The following JAK2 variants were observed in gnomAD, a reference collection of about 807,000 sequenced individuals.
JAK2 encodes the protein tyrosine-protein kinase JAK2.
JAK2 carries 86 observed loss-of-function variants against 139.3 expected under a neutral mutation model. The observed-to-expected ratio is 0.62, with a 90% confidence interval of 0.52 to 0.74. JAK2 has a LOEUF of 0.74. JAK2 is among the 30% of genes least tolerant of loss of function. The probability of loss-of-function intolerance (pLI) is 0.00; values close to 1 mark genes in which losing one functional copy is unlikely to be tolerated. For missense variants in JAK2, 1,421 were observed against 1,360.3 expected (o/e 1.04, Z -0.70); for synonymous variants, 490 against 437.7 (o/e 1.12, Z -1.49).
At chr9:5,099,155 GC>G (rs1308139023) in intron 22 of JAK2, 3 of 152,022 alleles carry the variant, frequency 2.0e-5, no homozygotes, top group African/African-American at 7.2e-5. Context: ...CCCTTATTAG[GC>G]CTCAAAACAG....
chr9:5,100,167 C>T (rs1261748898), intron 22 of JAK2: 2 of 152,146 alleles, frequency 1.3e-5, no homozygotes, highest in African/African-American at 2.4e-5. Context: ...TTCTCAAATT[C>T]GCCATAGACC....
At chr9:5,043,833 AAG>A (rs1207721566) in intron 4 of JAK2, among the ~76,000 whole-genome samples, 1 of 152,242 alleles carries the variant, frequency 6.6e-6, no homozygotes, top group Admixed American at 6.5e-5. Context: ...TGCTGAGTGA[AAG>A]AAGGCAGACA....
At chr9:5,056,814 C>T (rs990564644) in intron 8 of JAK2, among the ~76,000 whole-genome samples, 2 of 152,120 alleles carry the variant, frequency 1.3e-5, no homozygotes, top group Non-Finnish European at 2.9e-5. Context: ...AAGAACTTCT[C>T]CATGGGACTG....
At chr9:5,005,290 C>G (rs1027040650) in intron 2 of JAK2, among the ~76,000 whole-genome samples, 1 of 151,300 alleles carries the variant, frequency 6.6e-6, no homozygotes, top group Non-Finnish European at 1.5e-5. Context: ...GTCCTTTGCC[C>G]ATTTTTAAAT....
chr9:5,072,564 C>A lies in JAK2; in HGVS notation c.1714C>A (p.Gln572Lys), dbSNP rs1457790403. The change falls in exon 13 of 25, where the codon CAA becomes AAA. Residue 572 changes from glutamine (Q) to lysine (K), a missense_variant. Coordinates refer to ENST00000381652, the MANE Select transcript of JAK2 (RefSeq NM_004972.4). ...ACGAAGAGAAGTAGGAGACTACGGT[C>A]AACTGCATGAAACAGAAGTTCTTTT... ...GVRREVGDYG[Q>K]LHETEVLLKV... 4.3e-6 allele frequency: 7 copies of A among 1,610,866 alleles called. No homozygotes were observed. The East Asian group carries it at 1.1e-4, about 26-fold the overall frequency.
intron 22 of JAK2, among the ~76,000 whole-genome samples, chr9:5,102,348 G>C (rs1170602847): frequency 6.6e-6 from 1 of 152,122 alleles, no homozygotes; most frequent in Non-Finnish European, 1.5e-5. Flanking sequence ...AGAAAAAAGA[G>C]TAAAAAGCAA....
chr9:4,995,488 T>G (rs1000043085), intron 2 of JAK2, among the ~76,000 whole-genome samples: 5 of 152,238 alleles, frequency 3.3e-5, no homozygotes, highest in African/African-American at 1.2e-4. Flanking sequence ...GGTTGTCCAG[T>G]TTCAATACTA....
At position 5,066,543 on chromosome 9, in the gene JAK2, T is replaced by C. The variant is rs191876267; in HGVS notation, c.1215-135T>C. ...TACTTTGATTTTTTCCTTTGAAAGA[T>C]TATTGCTAAACATATAAAGTAGAGG... On this transcript the variant is annotated intron_variant, in intron 9 of 24. Transcript: ENST00000381652. The C allele has an allele frequency of 5.5e-4, 311 of 561,158 alleles. 1 individual carries two copies. Among genetic ancestry groups the C allele is most frequent in the Middle Eastern group, 5.5e-3 (12 of 2,190 alleles). 34.8% of individuals were successfully genotyped at this position (561,158 alleles called of 1,614,324 possible). A position where few individuals can be genotyped will look rare whatever the true frequency, so the allele number is the denominator to read the frequency against.
chr9:5,100,596 C>G (rs967447889), intron 22 of JAK2: 19 of 152,250 alleles, frequency 1.2e-4, no homozygotes, highest in African/African-American at 3.4e-4. Flanking sequence ...CCCCAACAGG[C>G]ATTTTTCCCC....
At chr9:5,113,983 G>T in intron 22 of JAK2, 1 of 269,020 alleles carries the variant, frequency 3.7e-6, no homozygotes, top group Admixed American at 4.5e-5. Flanking sequence ...AGCATCACCT[G>T]GCTGGAGGAT....
intron 4 of JAK2, chr9:5,041,003 G>A: frequency 4.6e-6 from 3 of 649,310 alleles, no homozygotes; most frequent in Admixed American, 2.1e-5. Context: ...ATCAAGTTCC[G>A]GACCCCGCAG....
chr9:5,068,559 C>G (rs566471732), intron 10 of JAK2, among the ~76,000 whole-genome samples: 14 of 152,168 alleles, frequency 9.2e-5, no homozygotes, highest in African/African-American at 3.4e-4. Context: ...AGAAAGATAG[C>G]ATGAAGAATT....
At chr9:5,058,692 C>G (rs143701884) in intron 8 of JAK2, among the ~76,000 whole-genome samples, 1 of 152,324 alleles carries the variant, frequency 6.6e-6, no homozygotes, top group East Asian at 1.9e-4. Flanking sequence ...TCCACATGCT[C>G]ATCAAAACTT....
chr9:5,036,697 A>G (rs1209117993), intron 4 of JAK2, among the ~76,000 whole-genome samples: 1 of 152,216 alleles, frequency 6.6e-6, no homozygotes, highest in Non-Finnish European at 1.5e-5. Context: ...CTTACACCTT[A>G]TACAAAAATT....
rs1468416683 is a variant in JAK2, at chr9:5,091,090, A to G, written c.3059+179A>G. On this transcript the variant is annotated intron_variant, in intron 22 of 24. Transcript: ENST00000381652. Reference sequence around the variant, plus strand: ...TAGTCATGGTTATAGTCCACGTGGGAAAATGGCATATGCTTTATTTCTATT... The same window carrying G: ...TAGTCATGGTTATAGTCCACGTGGGGAAATGGCATATGCTTTATTTCTATT... 30 of 481,932 alleles carry G rather than the reference A, an allele frequency of 6.2e-5. No homozygotes were observed. In the East Asian group the frequency reaches 1.1e-3, roughly 17 times the overall value. 29.9% of individuals were successfully genotyped at this position (481,932 alleles called of 1,614,324 possible).
chr9:5,116,863 A>G (rs558123146), intron 22 of JAK2, among the ~76,000 whole-genome samples: 1 of 152,364 alleles, frequency 6.6e-6, no homozygotes, highest in African/African-American at 2.4e-5. Flanking sequence ...ACTTTCAATA[A>G]TTAAGTGCAA....
At chr9:5,046,982 G>C (rs1563954909) in intron 5 of JAK2, among the ~76,000 whole-genome samples, 1 of 151,942 alleles carries the variant, frequency 6.6e-6, no homozygotes, top group Non-Finnish European at 1.5e-5. Context: ...TTTTGATCTA[G>C]AAAAATTTTG....
At position 5,033,374 on chromosome 9, in the gene JAK2, C is replaced by A. The variant is rs369177372; in HGVS notation, c.350+3468C>A. ...AGCGAGGCAGGCAAACATTCAAATT[C>A]AGGAAATAGAGAGAACGCCACAAAG... On this transcript the variant is annotated intron_variant, in intron 4 of 24. Transcript: ENST00000381652. 5.9e-5 allele frequency among the ~76,000 whole-genome samples: 9 copies of A among 152,252 alleles called. No individual in the cohort carries two copies. The East Asian group carries it at 1.2e-3, about 20-fold the overall frequency.
intron 2 of JAK2, among the ~76,000 whole-genome samples, chr9:4,996,620 G>T (rs1369787963): frequency 1.3e-5 from 2 of 151,734 alleles, no homozygotes; most frequent in African/African-American, 4.8e-5. Context: ...CATTGCATCA[G>T]ATCTTCAGTT....
Sources: allele counts gnomAD v4.1 joint callset (sites outside exome capture counted in the v4.1 genomes callset), GRCh38; gene constraint gnomAD v4.1.1; transcripts MANE v1.5; gene names NCBI Gene and HGNC (gene_info 2026-07-23, HGNC 2026-07-21).